The following USP6NL variants were observed in gnomAD, a reference collection of about 807,000 sequenced individuals.
The protein encoded by USP6NL is USP6 N-terminal-like protein.
Under a neutral mutation model 61.9 loss-of-function variants are expected in USP6NL, and 26 were observed. The ratio of observed to expected loss-of-function variants is 0.42; its 90% CI spans 0.31 to 0.58. USP6NL has a LOEUF of 0.58. USP6NL is among the 20% of genes least tolerant of loss of function. The pLI is 0.16. For synonymous variants in USP6NL, 432 were observed against 390.1 expected (o/e 1.11, Z -1.27); for missense variants, 1,114 against 1,034.3 (o/e 1.08, Z -1.06).
At chr10:11,576,762 T>C (rs1017682598) in intron 2 of USP6NL, among the ~76,000 whole-genome samples, 1 of 152,214 alleles carries the variant, frequency 6.6e-6, no homozygotes, top group Non-Finnish European at 1.5e-5. Flanking sequence ...AACTTCATAA[T>C]AAGTCCTGAT....
Position 11,547,050 on chromosome 10 carries a change from C to T in USP6NL, c.5-19483G>A, listed in dbSNP as rs796495621. ...ATTCCATATACCATTAACTTTACTT[C>T]ATTTTTGTTTTCATCTGATTCAACA... is the stretch of plus-strand genomic sequence containing the variant. On this transcript the variant is annotated intron_variant, in intron 2 of 14. Transcript: ENST00000609104. 3.3e-5 allele frequency among the ~76,000 whole-genome samples: 5 copies of T among 152,188 alleles called. No homozygotes were observed. In the South Asian group the frequency reaches 8.3e-4, roughly 25 times the overall value.
intron 6 of USP6NL, among the ~76,000 whole-genome samples, chr10:11,504,764 GATAATTATA>G (rs1834364026): frequency 6.6e-6 from 1 of 152,248 alleles, no homozygotes. Context: ...TACGTAAGCT[GATAATTATA>G]ACTTAAACAG....
intron 1 of USP6NL, among the ~76,000 whole-genome samples, chr10:11,601,044 G>A (rs1056197746): frequency 6.6e-6 from 1 of 151,992 alleles, no homozygotes; most frequent in Non-Finnish European, 1.5e-5. Context: ...TTTCATGTGT[G>A]CTAAGATATA....
At chr10:11,512,562 C>G (rs1331887926) in intron 5 of USP6NL, among the ~76,000 whole-genome samples, 1 of 152,236 alleles carries the variant, frequency 6.6e-6, no homozygotes, top group Non-Finnish European at 1.5e-5. Context: ...TAGCACAGCA[C>G]ACATGAGCAG....
intron 2 of USP6NL, among the ~76,000 whole-genome samples, chr10:11,579,312 ACTT>A (rs1837660903): frequency 2.6e-5 from 4 of 152,226 alleles, no homozygotes; most frequent in African/African-American, 9.6e-5. Context: ...ATTGATAATC[ACTT>A]CCCTGTCTAA....
chr10:11,509,474 A>T, intron 6 of USP6NL, 121 bp downstream of exon 6: 1 of 932,998 alleles, frequency 1.1e-6, no homozygotes, highest in South Asian at 1.8e-5. Context: ...CTGCTAAATT[A>T]AACCAAAATT....
rs1165119051 is a variant in USP6NL at position 11,468,278 on chromosome 10, C to T, written c.1079-4429G>A. 6.6e-6 allele frequency among the ~76,000 whole-genome samples: 1 copy of T among 152,204 alleles called. No individual in the cohort carries two copies. The highest frequency in any genetic ancestry group is 1.5e-5 in the Non-Finnish European group (1 of 68,018). On this transcript the variant is annotated intron_variant, in intron 14 of 14. Transcript: ENST00000609104. This position sits in a 1 kb window ranked among gnomAD's most constrained non-coding sequence, Gnocchi z 4.5. The stretch of plus-strand genomic sequence containing the variant: ...CCCTTCAAACACCTGCTTGGCTCCA[C>T]ATCCTTTCCCAGATGACTGTCAATC...
Position 11,596,201 on chromosome 10 carries a change from GT to G in USP6NL, c.4+1429del, listed in dbSNP as rs1477134295. On this transcript the variant is annotated intron_variant, in intron 2 of 14. Coordinates refer to ENST00000609104, the MANE Select transcript of USP6NL (RefSeq NM_014688.5). The surrounding 1 kb of genome is among the most constrained non-coding windows in gnomAD (Gnocchi z 4.1). ...TATTTCACTTTCCAAAAATGTAAGCGTTTTTAAGTTAAAATGCTTGCCATTT... is the reference window on the plus strand; with the variant it reads ...TATTTCACTTTCCAAAAATGTAAGCGTTTTAAGTTAAAATGCTTGCCATTT... 6.6e-6 allele frequency among the ~76,000 whole-genome samples: 1 copy of G among 152,172 alleles called. No homozygotes were observed. The highest frequency in any genetic ancestry group is 1.5e-5 in the Non-Finnish European group (1 of 68,034).
rs1002891768 is a variant in USP6NL, at chr10:11,528,422, C to T, written c.5-855G>A. On this transcript the variant is annotated intron_variant, in intron 2 of 14. Transcript: ENST00000609104. The surrounding 1 kb of genome is among the most constrained non-coding windows in gnomAD (Gnocchi z 4.6). ...TACTGCATTCTTATTAAGTGCCTGG[C>T]AGATAGTAAGATACTGCCAGGCAGC... is the stretch of plus-strand genomic sequence containing the variant. Among the ~76,000 whole-genome samples the T allele has an allele frequency of 6.6e-6, 1 of 151,922 alleles. No individual in the cohort carries two copies. Among genetic ancestry groups the T allele is most frequent in the African/African-American group, 2.4e-5 (1 of 41,328 alleles).
At chr10:11,519,586 C>T (rs950381669) in intron 4 of USP6NL, among the ~76,000 whole-genome samples, 5 of 152,094 alleles carry the variant, frequency 3.3e-5, no homozygotes, top group South Asian at 2.1e-4. Context: ...GCTGAGACCG[C>T]GCCATTGCAC....
chr10:11,557,417 T>C (rs1036613008), intron 2 of USP6NL, among the ~76,000 whole-genome samples: 4 of 152,198 alleles, frequency 2.6e-5, no homozygotes, highest in Admixed American at 6.5e-5. Context: ...ACCACAACTA[T>C]AGATGGATGG....
intron 2 of USP6NL, among the ~76,000 whole-genome samples, chr10:11,572,495 A>G (rs2133575917): frequency 6.6e-6 from 1 of 152,208 alleles, no homozygotes; most frequent in Middle Eastern, 3.4e-3. Context: ...ATGAAATAAA[A>G]AAAAAAAGAC....
At chr10:11,494,580 G>A (rs1165571726) in intron 7 of USP6NL, among the ~76,000 whole-genome samples, 1 of 152,172 alleles carries the variant, frequency 6.6e-6, no homozygotes, top group African/African-American at 2.4e-5. Context: ...CCCAGTAGTG[G>A]CCCCGAATGT....
rs1417188161 is a variant in USP6NL, at chr10:11,481,375, G to C, written c.1078+395C>G. Among the ~76,000 whole-genome samples, 3 of 152,138 alleles carry C rather than the reference G, an allele frequency of 2.0e-5. No individual in the cohort carries two copies. Among genetic ancestry groups the C allele is most frequent in the Non-Finnish European group, 4.4e-5 (3 of 68,014 alleles). On this transcript the variant is annotated intron_variant, in intron 14 of 14. Transcript: ENST00000609104. The surrounding 1 kb of genome is among the most constrained non-coding windows in gnomAD (Gnocchi z 4.4). ...AAAGTATCAATTTCCTCATCTATAAGATGGGGCTTTTACTGTACTTACTAT... is the reference window on the plus strand; with the variant it reads ...AAAGTATCAATTTCCTCATCTATAACATGGGGCTTTTACTGTACTTACTAT...
intron 2 of USP6NL, among the ~76,000 whole-genome samples, chr10:11,577,929 GA>G (rs559411991): frequency 6.6e-5 from 10 of 150,398 alleles, no homozygotes; most frequent in Admixed American, 3.3e-4. Flanking sequence ...CCTAATAAAA[GA>G]AAAAAAAATA....
At chr10:11,588,888 C>T (rs969639150) in intron 2 of USP6NL, among the ~76,000 whole-genome samples, 6 of 152,124 alleles carry the variant, frequency 3.9e-5, no homozygotes, top group South Asian at 2.1e-4. Context: ...GTTTGGATAT[C>T]CAGATAGTAG....
chr10:11,557,669 G>C (rs7923111), intron 2 of USP6NL, among the ~76,000 whole-genome samples: 5,888 of 152,260 alleles, frequency 0.039, 322 homozygotes, highest in African/African-American at 0.12. Context: ...AAGAACAAGA[G>C]AGCTGAGTAA....
intron 3 of USP6NL, among the ~76,000 whole-genome samples, chr10:11,526,100 T>C (rs4367857): frequency 0.063 from 8,628 of 136,798 alleles, 348 homozygotes; most frequent in Non-Finnish European, 0.1. Flanking sequence ...TCATGCTCCA[T>C]CAACTCTTCT....
chr10:11,577,020 A>G (rs1837572156), intron 2 of USP6NL, among the ~76,000 whole-genome samples: 1 of 152,028 alleles, frequency 6.6e-6, no homozygotes, highest in South Asian at 2.1e-4. Context: ...AGGTCCTCCT[A>G]AAATCCTTTT....
Sources: gnomAD v4.1 joint callset for allele counts (sites outside exome capture counted in the v4.1 genomes callset) on GRCh38, gnomAD v4.1.1 for gene constraint, Gnocchi (gnomAD v3.1) non-coding constraint, MANE v1.5 for transcripts, NCBI Gene and HGNC (gene_info 2026-07-23, HGNC 2026-07-21) for gene names.